RNGTT: variants seen among roughly 807,000 people sequenced by gnomAD.
RNGTT encodes RNA guanylyltransferase and 5'-phosphatase, also known as mRNA-capping enzyme.
In RNGTT, 33 loss-of-function variants were observed where a neutral mutation model predicts 79.3. The ratio of observed to expected loss-of-function variants is 0.42; its 90% CI spans 0.32 to 0.56. RNGTT has a LOEUF of 0.56. Ranked by LOEUF, RNGTT falls within the 20% of genes least tolerant of loss-of-function variation. The probability of loss-of-function intolerance (pLI) is 0.17; values close to 1 mark genes in which losing one functional copy is unlikely to be tolerated. For synonymous variants in RNGTT, 222 were observed against 235.9 expected (o/e 0.94, Z 0.54); for missense variants, 497 against 739.1 (o/e 0.67, Z 3.80).
chr6:88,749,959 C>T (rs1777787873), intron 13 of RNGTT, among the ~76,000 whole-genome samples: 1 of 152,076 alleles, frequency 6.6e-6, no homozygotes, highest in South Asian at 2.1e-4. Flanking sequence ...GCAGCTATAG[C>T]ACTTCAGTCT....
At chr6:88,626,337 C>T (rs114633662) in intron 14 of RNGTT, among the ~76,000 whole-genome samples, 2,899 of 152,006 alleles carry the variant, frequency 0.019, 88 homozygotes, top group African/African-American at 0.065. Flanking sequence ...TCCTTCTTTC[C>T]GCTAAGAATC....
At chr6:88,691,823 C>G (rs1775493121) in intron 13 of RNGTT, among the ~76,000 whole-genome samples, 1 of 151,944 alleles carries the variant, frequency 6.6e-6, no homozygotes, top group South Asian at 2.1e-4. Context: ...GTAAGAGAGA[C>G]AGATTGACTC....
intron 8 of RNGTT, among the ~76,000 whole-genome samples, chr6:88,858,101 G>A (rs1337000387): frequency 6.6e-6 from 1 of 152,046 alleles, no homozygotes; most frequent in East Asian, 1.9e-4. Context: ...CTCCATACTA[G>A]AGCATTTTGA....
At chr6:88,941,440 G>T (rs964759020) in intron 1 of RNGTT, among the ~76,000 whole-genome samples, 2 of 151,958 alleles carry the variant, frequency 1.3e-5, no homozygotes, top group African/African-American at 4.8e-5. Flanking sequence ...GCTAATTTTT[G>T]TGTTTTTAGT....
intron 13 of RNGTT, among the ~76,000 whole-genome samples, chr6:88,692,037 A>G (rs1775500071): frequency 6.6e-6 from 1 of 152,228 alleles, no homozygotes; most frequent in African/African-American, 2.4e-5. Flanking sequence ...ACTTTTAAAA[A>G]GAAACATAAC....
chr6:88,929,097 T>A, intron 3 of RNGTT, 24 bp from the exon 4 acceptor site: 1 of 1,595,440 alleles, frequency 6.3e-7, no homozygotes, highest in South Asian at 1.1e-5. Flanking sequence ...AAAAGTTTTT[T>A]TGAAAAAAGA....
intron 4 of RNGTT, among the ~76,000 whole-genome samples, chr6:88,914,985 G>C: frequency 6.6e-6 from 1 of 152,154 alleles, no homozygotes; most frequent in East Asian, 1.9e-4. Context: ...GTTATCAAAA[G>C]AGGACATACA....
chr6:88,908,515 C>T (rs9444654), intron 4 of RNGTT, among the ~76,000 whole-genome samples: 5,197 of 152,188 alleles, frequency 0.034, 315 homozygotes, highest in African/African-American at 0.12. Flanking sequence ...AGGGAAGAAG[C>T]GACGTAGACT....
At chr6:88,618,824 A>ATTT (rs1772332700) in intron 14 of RNGTT, among the ~76,000 whole-genome samples, 1 of 152,220 alleles carries the variant, frequency 6.6e-6, no homozygotes. Context: ...GAAAAGTTTC[A>ATTT]CTTATTAATT....
chr6:88,736,306 C>T (rs1388154860), intron 13 of RNGTT, among the ~76,000 whole-genome samples: 2 of 152,154 alleles, frequency 1.3e-5, no homozygotes, highest in African/African-American at 4.8e-5. Flanking sequence ...AGAGAGGATA[C>T]TTCCTAACTC....
chr6:88,929,955 T>TGC (rs1343704993), intron 2 of RNGTT, among the ~76,000 whole-genome samples: 220 of 149,758 alleles, frequency 1.5e-3, no homozygotes, highest in African/African-American at 5.3e-3. Context: ...TATACACACG[T>TGC]ATATACATAT....
chr6:88,836,025 T>C (rs112722528), intron 11 of RNGTT, among the ~76,000 whole-genome samples: 4,761 of 60,380 alleles, frequency 0.079, 89 homozygotes, highest in African/African-American at 0.1. Flanking sequence ...CACACACACA[T>C]ATATATATAA....
At chr6:88,769,179 G>A (rs915537286) in intron 13 of RNGTT, among the ~76,000 whole-genome samples, 4 of 151,830 alleles carry the variant, frequency 2.6e-5, no homozygotes, top group African/African-American at 9.7e-5. Flanking sequence ...TGCGGCGGGG[G>A]AAGTGGTCTC....
At chr6:88,735,759 A>AT (rs1343500600) in intron 13 of RNGTT, among the ~76,000 whole-genome samples, 5 of 152,016 alleles carry the variant, frequency 3.3e-5, no homozygotes, top group Non-Finnish European at 7.4e-5. Context: ...ACAAGCTTCT[A>AT]TTTTTGAAAA....
chr6:88,892,509 A>G (rs1204293099), intron 6 of RNGTT, among the ~76,000 whole-genome samples: 1 of 152,116 alleles, frequency 6.6e-6, no homozygotes, highest in African/African-American at 2.4e-5. Context: ...TAACATACTA[A>G]TAGAACAAAA....
chr6:88,729,388 G>GA (rs59571346), intron 13 of RNGTT, among the ~76,000 whole-genome samples: 9,541 of 79,702 alleles, frequency 0.12, 790 homozygotes, highest in African/African-American at 0.26. Context: ...ACCAGAAAAA[G>GA]AAAAAAAAAA....
intron 12 of RNGTT, among the ~76,000 whole-genome samples, chr6:88,779,592 A>T (rs1023163438): frequency 2.0e-5 from 3 of 152,080 alleles, no homozygotes; most frequent in Non-Finnish European, 2.9e-5. Flanking sequence ...AACTTAAGTA[A>T]CTCCTCATCT....
chr6:88,903,752 A>C (rs1318655160), intron 6 of RNGTT, among the ~76,000 whole-genome samples: 1 of 152,198 alleles, frequency 6.6e-6, no homozygotes, highest in African/African-American at 2.4e-5. Context: ...ATACCACTCA[A>C]CCATAATATA....
At chr6:88,715,052 A>G (rs1056862195) in intron 13 of RNGTT, among the ~76,000 whole-genome samples, 2 of 152,200 alleles carry the variant, frequency 1.3e-5, no homozygotes, top group East Asian at 1.9e-4. Flanking sequence ...ACATGACTGT[A>G]TATCTAGAAA....
Sources: gnomAD v4.1 joint callset for allele counts (sites outside exome capture counted in the v4.1 genomes callset) on GRCh38, gnomAD v4.1.1 for gene constraint, MANE v1.5 for transcripts, NCBI Gene and HGNC (gene_info 2026-07-23, HGNC 2026-07-21) for gene names.